Variants in ERG observed in about 807,000 individuals in gnomAD.
ERG encodes the protein transcriptional regulator ERG.
In ERG, 9 loss-of-function variants were observed where a neutral mutation model predicts 55.3. The ratio of observed to expected loss-of-function variants is 0.16; its 90% CI spans 0.10 to 0.28. The LOEUF (loss-of-function observed/expected upper bound fraction) is 0.28, where lower values mean the gene tolerates loss of function less well. Ranked by LOEUF, ERG falls within the 10% of genes least tolerant of loss-of-function variation. The pLI is 1.00. For missense variants in ERG, 434 were observed against 631.6 expected, an observed-to-expected ratio of 0.69 and a Z score of 3.35; for synonymous variants, 223 against 237.3, an observed-to-expected ratio of 0.94 and a Z score of 0.55.
intron 1 of ERG, among the ~76,000 whole-genome samples, chr21:38,657,159 T>C (rs1258155512): frequency 1.3e-5 from 2 of 152,204 alleles, no homozygotes; most frequent in Non-Finnish European, 2.9e-5. Context: ...AAATGGCCTA[T>C]TTTACATACT....
chr21:38,572,081 G>A (rs568658338), intron 2 of ERG, among the ~76,000 whole-genome samples: 52 of 152,148 alleles, frequency 3.4e-4, no homozygotes, highest in African/African-American at 1.2e-3. Flanking sequence ...TTCCGGCCAG[G>A]TGCGGTGGCT....
chr21:38,660,687 T>C (rs8132069), intron 1 of ERG: 69,866 of 151,620 alleles, frequency 0.46, 16,469 homozygotes, highest in Middle Eastern at 0.58. Context: ...GGGCGCCGGG[T>C]TCAGGGAGGC....
At chr21:38,562,669 T>A (rs750432969) in intron 2 of ERG, among the ~76,000 whole-genome samples, 8 of 152,232 alleles carry the variant, frequency 5.3e-5, no homozygotes, top group Non-Finnish European at 1.0e-4. Context: ...AGAACTTCTA[T>A]CCTACTGAGC....
chr21:38,424,185 GAGCTCTCTCTCTCTCTCTCT>G (rs1989702815), intron 2 of ERG, among the ~76,000 whole-genome samples: 1 of 58,560 alleles, frequency 1.7e-5, no homozygotes, highest in African/African-American at 8.1e-5. Flanking sequence ...ACCAGAGCTC[GAGCTCTCTCTCTCTCTCTCT>G]CTCTCTCTCT....
At chr21:38,524,175 C>A (rs1187092756) in intron 2 of ERG, among the ~76,000 whole-genome samples, 1 of 152,196 alleles carries the variant, frequency 6.6e-6, no homozygotes, top group Non-Finnish European at 1.5e-5. Context: ...CAGAGCCCTG[C>A]CCACCTGGAA....
intron 1 of ERG, among the ~76,000 whole-genome samples, chr21:38,497,583 T>C (rs2059390083): frequency 6.6e-6 from 1 of 152,212 alleles, no homozygotes; most frequent in Non-Finnish European, 1.5e-5. Context: ...GGATTGTACC[T>C]GTGCAGATTT....
At chr21:38,559,813 T>A (rs1279157188) in intron 2 of ERG, among the ~76,000 whole-genome samples, 2 of 152,168 alleles carry the variant, frequency 1.3e-5, no homozygotes, top group African/African-American at 4.8e-5. Flanking sequence ...CCCAAGTAGC[T>A]GGGATTACAG....
At chr21:38,587,360 CT>C (rs11312805), upstream of ERG, among the ~76,000 whole-genome samples, 85,371 of 132,228 alleles carry the variant, frequency 0.65, 26,981 homozygotes, top group Middle Eastern at 0.74. Context: ...CTGTGCAAAT[CT>C]TTTTTTTTTT....
chr21:38,420,317 T>C (rs898811835), intron 3 of ERG, among the ~76,000 whole-genome samples: 2 of 152,156 alleles, frequency 1.3e-5, no homozygotes, highest in Non-Finnish European at 2.9e-5. Context: ...TGTGTGTGTG[T>C]GTGTTCATCT....
intron 1 of ERG, among the ~76,000 whole-genome samples, chr21:38,475,995 G>T (rs1015784580): frequency 6.6e-6 from 1 of 152,196 alleles, no homozygotes; most frequent in Admixed American, 6.5e-5. Flanking sequence ...GAAGCTACTT[G>T]TTATTAAATT....
At chr21:38,519,672 A>G in intron 2 of ERG, among the ~76,000 whole-genome samples, 1 of 152,168 alleles carries the variant, frequency 6.6e-6, no homozygotes, top group East Asian at 1.9e-4. Context: ...GAAGTAAACA[A>G]AGAAAGTCGG....
At chr21:38,370,045 G>A in the ERG span, among the ~76,000 whole-genome samples, 7 of 151,950 alleles carry the variant, frequency 4.6e-5, no homozygotes, top group Admixed American at 2.0e-4. Flanking sequence ...GTTTAAAGTT[G>A]GGTAGTGTGA....
intron 1 of ERG, among the ~76,000 whole-genome samples, chr21:38,448,709 C>G (rs557126670): frequency 2.0e-5 from 3 of 152,236 alleles, no homozygotes; most frequent in Non-Finnish European, 4.4e-5. Context: ...AGCCCTGCCA[C>G]ATCTTTGTCC....
chr21:38,576,865 G>C (rs1162431981), intron 1 of ERG, among the ~76,000 whole-genome samples: 1 of 152,054 alleles, frequency 6.6e-6, no homozygotes, highest in African/African-American at 2.4e-5. Flanking sequence ...GGATTCTAGG[G>C]GGACCTCTCC....
At chr21:38,615,905 T>A (rs914884647) in intron 1 of ERG, among the ~76,000 whole-genome samples, 1 of 151,924 alleles carries the variant, frequency 6.6e-6, no homozygotes, top group Non-Finnish European at 1.5e-5. Flanking sequence ...AGCAACAGCT[T>A]CTCTCTGGTT....
intron 1 of ERG, among the ~76,000 whole-genome samples, chr21:38,479,638 A>T (rs1404132807): frequency 6.6e-6 from 1 of 152,180 alleles, no homozygotes; most frequent in Non-Finnish European, 1.5e-5. Context: ...CGGGGGACAC[A>T]CTACAAGACC....
intron 2 of ERG, among the ~76,000 whole-genome samples, chr21:38,440,052 C>A (rs550492109): frequency 6.6e-6 from 1 of 152,312 alleles, no homozygotes; most frequent in East Asian, 1.9e-4. Flanking sequence ...TAGTCAGGGG[C>A]CACAAAGGTA....
In ERG at chr21:38,451,102, G is replaced by T. The variant is rs888702732; in HGVS notation, c.19-5481C>A. The stretch of plus-strand genomic sequence containing the variant: ...GTTTTGGTGCCTGCTCTTGCCATGA[G>T]AGATGGAATCACCTAGAGAGAGACA... On this transcript the variant is annotated intron_variant, in intron 1 of 9. Transcript: ENST00000288319. The T allele has an allele frequency of 8.7e-6, 4 of 461,198 alleles. No homozygotes were observed. The Admixed American group carries it at 9.4e-5, about 11-fold the overall frequency. 28.6% of individuals were successfully genotyped at this position (461,198 alleles called of 1,614,324 possible).
intron 1 of ERG, among the ~76,000 whole-genome samples, chr21:38,453,485 G>A (rs982174423): frequency 1.4e-4 from 21 of 152,222 alleles, no homozygotes; most frequent in African/African-American, 4.8e-4. Context: ...GAATGCATTT[G>A]AAAGGACAAT....
Sources: allele counts gnomAD v4.1 joint callset (sites outside exome capture counted in the v4.1 genomes callset), GRCh38; gene constraint gnomAD v4.1.1; transcripts MANE v1.5; gene names NCBI Gene and HGNC (gene_info 2026-07-23, HGNC 2026-07-21).